Variants in POLR2B observed in about 807,000 individuals in gnomAD.
The protein encoded by POLR2B is DNA-directed RNA polymerase II subunit RPB2.
POLR2B carries 57 observed loss-of-function variants against 144.6 expected under a neutral mutation model. The ratio of observed to expected loss-of-function variants is 0.39; its 90% CI spans 0.32 to 0.49. The LOEUF (loss-of-function observed/expected upper bound fraction) is 0.49. Among genes scored for constraint, POLR2B ranks in the 20% least tolerant of loss-of-function variants. The pLI, the probability that POLR2B is intolerant of heterozygous loss-of-function variation, is 0.83. For synonymous variants in POLR2B, 442 were observed against 469.8 expected, an observed-to-expected ratio of 0.94 and a Z score of 0.77; for missense variants, 595 against 1,467.4, an observed-to-expected ratio of 0.41 and a Z score of 9.71.
Position 56,978,994 on chromosome 4 carries a change from C to G in POLR2B, c.9C>G (p.Asp3Glu). The change falls in exon 1 of 25, where the codon GAC becomes GAG. Residue 3 changes from aspartate (D) to glutamate (E), a missense_variant. Transcript: ENST00000314595. MY[D>E]ADEDMQYDED... is the part of the protein sequence containing the mutation. ...GAGAACCGTTTGGCAATATGTACGA[C>G]GCGGATGAGGGTAGGTGAACGCTCA... 2.5e-6 allele frequency: 4 copies of G among 1,613,744 alleles called. No homozygotes were observed. The highest frequency in any genetic ancestry group is 3.4e-6 in the Non-Finnish European group (4 of 1,179,846).
chr4:56,981,249 C>A (rs1722149046), intron 1 of POLR2B, among the ~76,000 whole-genome samples: 1 of 151,420 alleles, frequency 6.6e-6, no homozygotes, highest in Non-Finnish European at 1.5e-5. Context: ...AAGCATCGCG[C>A]CCCCCCTCCC....
rs188131196 is a variant in POLR2B at position 57,000,849 on chromosome 4, C to A, written c.900+1068C>A. Among the ~76,000 whole-genome samples, 211 of 152,180 alleles carry A rather than the reference C, an allele frequency of 1.4e-3. 1 individual carries two copies. The highest frequency in any genetic ancestry group is 4.9e-3 in the African/African-American group (204 of 41,532). On this transcript the variant is annotated intron_variant, in intron 7 of 24. Coordinates refer to ENST00000314595, the MANE Select transcript of POLR2B (RefSeq NM_000938.3). ...TAATTGGGACTACAGGCACGTGCCA[C>A]CACGCCCAGCTAATTTTTGTATTTT...
chr4:56,990,708 T>C, intron 2 of POLR2B, 40 bp from the exon 3 acceptor site: 2 of 1,537,732 alleles, frequency 1.3e-6, no homozygotes, highest in Admixed American at 2.0e-5. Context: ...CTAGAAATTA[T>C]CACTGAGTTG....
chr4:57,004,399 T>A (rs1241456767), intron 7 of POLR2B, among the ~76,000 whole-genome samples: 2 of 151,626 alleles, frequency 1.3e-5, no homozygotes, highest in Admixed American at 6.6e-5. Flanking sequence ...TGGATAAAAA[T>A]TTATTTTTCT....
At chr4:57,008,828 A>G (rs1427389618) in intron 10 of POLR2B, among the ~76,000 whole-genome samples, 4 of 152,170 alleles carry the variant, frequency 2.6e-5, no homozygotes, top group Non-Finnish European at 5.9e-5. Context: ...AGCTTAGAGA[A>G]CTTCTTAATA....
At position 57,023,870 on chromosome 4, in the gene POLR2B, T is replaced by C; in HGVS notation, c.2856+119T>C. ...ATACAGGTTGAACTTTTTGATTTTA[T>C]TGTTGAATAAGTATATGAACATACC... On this transcript the variant is annotated intron_variant, in intron 20 of 24. Transcript: ENST00000314595. This position sits in a 1 kb window ranked among gnomAD's most constrained non-coding sequence, Gnocchi z 4.3. The C allele has an allele frequency of 4.9e-6, 4 of 819,510 alleles. No homozygotes were observed. The highest frequency in any genetic ancestry group is 7.8e-6 in the Non-Finnish European group (4 of 509,662). The allele number at this position is 819,510 out of a possible 1,614,324, so 50.8% of individuals were successfully genotyped here.
chr4:56,990,475 A>C (rs775559963), intron 2 of POLR2B, among the ~76,000 whole-genome samples: 5 of 152,168 alleles, frequency 3.3e-5, no homozygotes, highest in Admixed American at 1.3e-4. Context: ...GCCTCCCAGG[A>C]GCTGGGATCC....
intron 9 of POLR2B, 116 bp downstream of exon 9, chr4:57,005,835 T>A: frequency 2.2e-6 from 2 of 895,700 alleles, no homozygotes; most frequent in Non-Finnish European, 3.3e-6. Flanking sequence ...CTTATGAAAT[T>A]AGCTACATTC....
chr4:57,003,878 A>G (rs1722928054), intron 7 of POLR2B, among the ~76,000 whole-genome samples: 1 of 151,648 alleles, frequency 6.6e-6, no homozygotes, highest in African/African-American at 2.4e-5. Flanking sequence ...AGAAGAAGAA[A>G]TAGTTGGGTG....
At chr4:57,009,140 T>C (rs1419137928) in intron 10 of POLR2B, among the ~76,000 whole-genome samples, 1 of 152,210 alleles carries the variant, frequency 6.6e-6, no homozygotes, top group Non-Finnish European at 1.5e-5. Flanking sequence ...ATTTAGGAAG[T>C]AAGTTTCGTA....
chr4:57,022,370 A>G (rs1403664421), intron 18 of POLR2B, 124 bp downstream of exon 18: 2 of 631,954 alleles, frequency 3.2e-6, no homozygotes, highest in Non-Finnish European at 5.7e-6. Flanking sequence ...TTTTTGTGCA[A>G]TGAAAGTGTG....
At chr4:56,990,489 T>C (rs1057369682) in intron 2 of POLR2B, among the ~76,000 whole-genome samples, 3 of 152,208 alleles carry the variant, frequency 2.0e-5, no homozygotes, top group Non-Finnish European at 4.4e-5. Context: ...GGGATCCTTA[T>C]AGTTCTTATA....
chr4:57,006,773 G>A, intron 9 of POLR2B, 43 bp from the exon 10 acceptor site: 1 of 1,446,640 alleles, frequency 6.9e-7, no homozygotes, highest in Non-Finnish European at 9.6e-7. Context: ...AATATATGTT[G>A]TAGACCTCTA....
In POLR2B at chr4:57,010,291, A is replaced by G. The variant is rs1578579170; in HGVS notation, c.1405-70A>G. ...TCAGTAGATTATATGTAAAAATATG[A>G]CTTTGCCTCAGTGTAATAGTATGAA... On this transcript the variant is annotated intron_variant, in intron 10 of 24. Transcript: ENST00000314595. The G allele has an allele frequency of 3.1e-6, 4 of 1,299,386 alleles. No homozygotes were observed. In the East Asian group the frequency reaches 9.3e-5, roughly 30 times the overall value. The allele number at this position is 1,299,386 out of a possible 1,614,324, so 80.5% of individuals were successfully genotyped here. A position where few individuals can be genotyped will look rare whatever the true frequency, so the allele number is the denominator to read the frequency against.
rs564343442 is a variant in POLR2B, at chr4:56,982,320, C to A, written c.19+3316C>A. On this transcript the variant is annotated intron_variant, in intron 1 of 24. Transcript: ENST00000314595. ...TCTGTAGGTTTCACATCTGTATATT[C>A]AATTAACCTTGGATTGAAAATATTA... Among the ~76,000 whole-genome samples, 10 of 152,176 alleles carry A rather than the reference C, an allele frequency of 6.6e-5. No individual in the cohort carries two copies. In the East Asian group the frequency reaches 1.4e-3, roughly 21 times the overall value.
At chr4:57,025,662 T>G (rs922981998) in intron 23 of POLR2B, 125 bp downstream of exon 23, 7 of 615,634 alleles carry the variant, frequency 1.1e-5, no homozygotes, top group Non-Finnish European at 2.0e-5. Flanking sequence ...TCAACAATTA[T>G]CGACTGATGG....
chr4:57,030,860 A>G (rs368572055), intron 24 of POLR2B, 39 bp from the exon 25 acceptor site: 30 of 1,223,410 alleles, frequency 2.5e-5, no homozygotes, highest in Middle Eastern at 1.9e-4. Context: ...GGTCACTTCA[A>G]TACAATTCTG....
chr4:57,023,542 ACT>A lies in POLR2B; in HGVS notation c.2732_2733del (p.Leu911GlnfsTer6). On this transcript the variant is annotated frameshift_variant, in exon 19 of 25. Transcript: ENST00000314595. LOFTEE classifies it high-confidence loss of function. The surrounding 1 kb of genome is among the most constrained non-coding windows in gnomAD (Gnocchi z 4.3). ...GGGCATTGTGGATCAGGTTATGGTA[ACT>A]CTCAATCAGGAAGGATATAAATTTT... ...ETGIVDQVMV[T>X]LNQEGYKFCK... The A allele has an allele frequency of 6.2e-7, 1 of 1,613,908 alleles. No homozygotes were observed. Among genetic ancestry groups the A allele is most frequent in the Non-Finnish European group, 8.5e-7 (1 of 1,179,828 alleles).
chr4:57,014,913 T>C (rs1272076507), intron 13 of POLR2B, among the ~76,000 whole-genome samples: 1 of 152,194 alleles, frequency 6.6e-6, no homozygotes, highest in African/African-American at 2.4e-5. Flanking sequence ...TCTGGTTTGG[T>C]GCTGTCTTTC....
Sources: allele counts gnomAD v4.1 joint callset (sites outside exome capture counted in the v4.1 genomes callset), GRCh38; gene constraint gnomAD v4.1.1; non-coding constraint Gnocchi (gnomAD v3.1); transcripts MANE v1.5; gene names NCBI Gene and HGNC (gene_info 2026-07-23, HGNC 2026-07-21).